Variants in ZNF131 observed in about 807,000 individuals in gnomAD.
ZNF131 encodes the protein zinc finger protein 131.
ZNF131 carries 7 observed loss-of-function variants against 60.0 expected under a neutral mutation model. The ratio of observed to expected loss-of-function variants is 0.12; its 90% confidence interval spans 0.07 to 0.22. ZNF131 has a LOEUF of 0.22. Among genes scored for constraint, ZNF131 ranks in the 10% least tolerant of loss-of-function variants. The pLI is 1.00. For synonymous variants in ZNF131, 257 were observed against 253.2 expected (o/e 1.01, Z -0.14); for missense variants, 493 against 740.9 (o/e 0.67, Z 3.88).
intron 4 of ZNF131, among the ~76,000 whole-genome samples, chr5:43,143,801 G>A (rs890169316): frequency 4.0e-5 from 6 of 149,352 alleles, no homozygotes; most frequent in Admixed American, 2.0e-4. Context: ...GAACCTCAAG[G>A]TCAGATAGAG....
At chr5:43,136,674 A>T (rs1341766478) in intron 3 of ZNF131, among the ~76,000 whole-genome samples, 10 of 131,308 alleles carry the variant, frequency 7.6e-5, no homozygotes, top group Non-Finnish European at 1.6e-4. Context: ...TTTAGTAGAG[A>T]CGGAGTTTCA....
At chr5:43,162,925 AAAAG>A (rs1245783227) in intron 5 of ZNF131, among the ~76,000 whole-genome samples, 1 of 147,524 alleles carries the variant, frequency 6.8e-6, no homozygotes, top group Non-Finnish European at 1.5e-5. Flanking sequence ...AAAAAAAAAA[AAAAG>A]CAATCCCTGA....
chr5:43,169,401 A>G (rs1442389137), intron 5 of ZNF131, among the ~76,000 whole-genome samples: 1 of 152,234 alleles, frequency 6.6e-6, no homozygotes, highest in Non-Finnish European at 1.5e-5. Flanking sequence ...GTTTCTACTC[A>G]GGTAGATCTC....
intron 3 of ZNF131, among the ~76,000 whole-genome samples, chr5:43,132,093 T>TA (rs1418075294): frequency 6.6e-6 from 1 of 152,224 alleles, no homozygotes; most frequent in Non-Finnish European, 1.5e-5. Context: ...TGTGTTTGAT[T>TA]AAAAATCAAA....
chr5:43,141,081 C>T (rs1746767090), intron 4 of ZNF131, among the ~76,000 whole-genome samples: 2 of 152,088 alleles, frequency 1.3e-5, no homozygotes, highest in African/African-American at 2.4e-5. Context: ...GAACTGTACT[C>T]GTCCATAAAT....
At chr5:43,143,356 AT>A in intron 4 of ZNF131, 1 of 1,320,710 alleles carries the variant, frequency 7.6e-7, no homozygotes, top group Non-Finnish European at 9.7e-7. Context: ...TCCAGGATGG[AT>A]TTTAGATCTT....
intron 4 of ZNF131, among the ~76,000 whole-genome samples, chr5:43,154,307 G>C (rs1748691424): frequency 6.6e-6 from 1 of 152,090 alleles, no homozygotes; most frequent in Admixed American, 6.6e-5. Flanking sequence ...TCAGCTACTT[G>C]GGAGGCTGAG....
intron 3 of ZNF131, chr5:43,124,514 T>C (rs1194978796): frequency 1.3e-5 from 2 of 152,230 alleles, no homozygotes; most frequent in Admixed American, 6.5e-5. Flanking sequence ...ATAGCTGATA[T>C]ATTTACAGCT....
chr5:43,168,296 T>G (rs1186351284), intron 5 of ZNF131, among the ~76,000 whole-genome samples: 2 of 152,154 alleles, frequency 1.3e-5, no homozygotes, highest in African/African-American at 4.8e-5. Context: ...CTTTGATGAC[T>G]CAGAAAGGAA....
Position 43,161,237 on chromosome 5 carries a change from T to G in ZNF131, c.372-12T>G. 6.3e-7 allele frequency: 1 copy of G among 1,579,666 alleles called. No individual in the cohort carries two copies. The highest frequency in any genetic ancestry group is 8.6e-7 in the Non-Finnish European group (1 of 1,167,410). Reference sequence around the variant, plus strand: ...TTATAGATTTTTTAAACCCCTACATTATGTATTTCAGGAACAAAGAAAACT... The same window carrying G: ...TTATAGATTTTTTAAACCCCTACATGATGTATTTCAGGAACAAAGAAAACT... On this transcript the variant is annotated splice_polypyrimidine_tract_variant and intron_variant, in intron 4 of 6. Transcript: ENST00000682664.
At chr5:43,121,779 C>T (rs1259236767) in intron 1 of ZNF131, 7 of 260,556 alleles carry the variant, frequency 2.7e-5, no homozygotes, top group African/African-American at 4.5e-5. Context: ...CTCGGAACCT[C>T]CGGCGCTGTG....
intron 4 of ZNF131, chr5:43,143,310 T>C (rs1362596671): frequency 1.7e-6 from 2 of 1,173,742 alleles, no homozygotes; most frequent in African/African-American, 1.6e-5. Context: ...CACGAGTCAC[T>C]GCGCCCGGCC....
intron 4 of ZNF131, among the ~76,000 whole-genome samples, chr5:43,142,014 T>G (rs1319163914): frequency 6.6e-6 from 1 of 152,112 alleles, no homozygotes; most frequent in African/African-American, 2.4e-5. Context: ...TTTTACTGTT[T>G]CTTTGTATGT....
intron 3 of ZNF131, among the ~76,000 whole-genome samples, chr5:43,126,855 C>G (rs190639410): frequency 2.6e-5 from 4 of 152,144 alleles, no homozygotes; most frequent in Admixed American, 1.3e-4. Context: ...AGATATCCAC[C>G]CCTCCCCATT....
intron 4 of ZNF131, among the ~76,000 whole-genome samples, chr5:43,149,944 T>A (rs1406274319): frequency 6.6e-6 from 1 of 152,182 alleles, no homozygotes; most frequent in African/African-American, 2.4e-5. Flanking sequence ...AGTAACTTTT[T>A]AGCTAACAGT....
chr5:43,127,273 A>G (rs936134038), intron 3 of ZNF131, among the ~76,000 whole-genome samples: 3 of 152,222 alleles, frequency 2.0e-5, no homozygotes, highest in Admixed American at 1.3e-4. Context: ...ACAAATATAA[A>G]TGCCCAGGTT....
Position 43,175,404 on chromosome 5 carries a change from C to T in ZNF131, c.*271C>T, listed in dbSNP as rs1225019114. The T allele has an allele frequency of 2.7e-5, 19 of 693,728 alleles. No homozygotes were observed. In the East Asian group the frequency reaches 3.2e-4, roughly 12 times the overall value. The allele number at this position is 693,728 out of a possible 1,614,324, so 43.0% of individuals were successfully genotyped here. On this transcript the variant is annotated 3_prime_UTR_variant, in exon 7 of 7. Transcript: ENST00000682664. Reference sequence around the variant, plus strand: ...TATATTCTTATTATATAGTTGGGTACGAATGTATCTATTTTCATTGTGGTA... The same window carrying T: ...TATATTCTTATTATATAGTTGGGTATGAATGTATCTATTTTCATTGTGGTA...
chr5:43,149,101 G>A (rs150116567), intron 4 of ZNF131, among the ~76,000 whole-genome samples: 28 of 152,276 alleles, frequency 1.8e-4, no homozygotes, highest in Non-Finnish European at 3.1e-4. Context: ...CCAACATGGC[G>A]AAACCCCGTC....
At chr5:43,137,726 C>G (rs1286863476) in intron 3 of ZNF131, among the ~76,000 whole-genome samples, 1 of 152,214 alleles carries the variant, frequency 6.6e-6, no homozygotes, top group Admixed American at 6.5e-5. Flanking sequence ...ATCCCACTTG[C>G]TGAACATTTA....
Sources: gnomAD v4.1 joint callset for allele counts (sites outside exome capture counted in the v4.1 genomes callset) on GRCh38, gnomAD v4.1.1 for gene constraint, MANE v1.5 for transcripts, NCBI Gene and HGNC (gene_info 2026-07-23, HGNC 2026-07-21) for gene names.